The following FRMD3 variants were observed in gnomAD, a reference collection of about 807,000 sequenced individuals.
FRMD3 encodes the protein FERM domain-containing protein 3.
In FRMD3, 33 loss-of-function variants were observed where a neutral mutation model predicts 70.2. The observed-to-expected ratio is 0.47, with a 90% CI of 0.36 to 0.63. FRMD3 has a LOEUF of 0.63. FRMD3 is among the 20% of genes least tolerant of loss of function. The probability of loss-of-function intolerance (pLI) is 0.00; values close to 1 mark genes in which losing one functional copy is unlikely to be tolerated. For missense variants in FRMD3, 632 were observed against 711.4 expected, an observed-to-expected ratio of 0.89 and a Z score of 1.27; for synonymous variants, 279 against 255.9, an observed-to-expected ratio of 1.09 and a Z score of -0.86.
chr9:83,569,372 GATAA>G, the FRMD3 span, among the ~76,000 whole-genome samples: 2 of 152,174 alleles, frequency 1.3e-5, no homozygotes. Flanking sequence ...TCTCATTTTT[GATAA>G]ATAGACTCTC....
Position 83,538,331 on chromosome 9 carries a change from G to A in FRMD3, c.-100C>T. The A allele has an allele frequency of 8.4e-7, 1 of 1,192,118 alleles. No homozygotes were observed. Among genetic ancestry groups the A allele is most frequent in the Non-Finnish European group, 1.1e-6 (1 of 910,162 alleles). The allele number at this position is 1,192,118 out of a possible 1,614,324, so 73.8% of individuals were successfully genotyped here. A position where few individuals can be genotyped will look rare whatever the true frequency, so the allele number is the denominator to read the frequency against. On this transcript the variant is annotated 5_prime_UTR_variant, in exon 1 of 14. Coordinates refer to ENST00000304195, the MANE Select transcript of FRMD3 (RefSeq NM_174938.6). This position sits in a 1 kb window ranked among gnomAD's most constrained non-coding sequence, Gnocchi z 4.7. ...CACGCACTGTCCGGGACACCTGGGC[G>A]CGGCTCAGCCCCGGGACATCGGCAG...
At chr9:83,469,383 G>A (rs576499877) in intron 1 of FRMD3, among the ~76,000 whole-genome samples, 128 of 152,276 alleles carry the variant, frequency 8.4e-4, no homozygotes, top group African/African-American at 2.7e-3. Flanking sequence ...CAGATGCTTC[G>A]TAGACAATCA....
At chr9:83,478,242 C>T (rs1828444146) in intron 1 of FRMD3, among the ~76,000 whole-genome samples, 1 of 152,202 alleles carries the variant, frequency 6.6e-6, no homozygotes, top group East Asian at 1.9e-4. Flanking sequence ...AGTGTTCCTC[C>T]CATAAGAAGG....
At chr9:83,357,418 C>A (rs1824437857) in intron 3 of FRMD3, among the ~76,000 whole-genome samples, 1 of 150,832 alleles carries the variant, frequency 6.6e-6, no homozygotes, top group Non-Finnish European at 1.5e-5. Context: ...ATAATGACTT[C>A]TTTTTCTCTG....
At chr9:83,386,441 A>T (rs1825512614) in intron 2 of FRMD3, among the ~76,000 whole-genome samples, 1 of 152,230 alleles carries the variant, frequency 6.6e-6, no homozygotes, top group Non-Finnish European at 1.5e-5. Context: ...AAGTCTGGGC[A>T]TTAAAAGTTA....
intron 1 of FRMD3, among the ~76,000 whole-genome samples, chr9:83,483,315 C>A (rs528625698): frequency 6.6e-6 from 1 of 152,310 alleles, no homozygotes; most frequent in African/African-American, 2.4e-5. Flanking sequence ...CCTTCCCAAC[C>A]AGGCTTCCTG....
chr9:83,521,893 T>A (rs1232147933), intron 1 of FRMD3, among the ~76,000 whole-genome samples: 1 of 152,244 alleles, frequency 6.6e-6, no homozygotes, highest in Non-Finnish European at 1.5e-5. Context: ...ATTTCCCCAT[T>A]TATTAGCCAG....
At chr9:83,530,928 G>T (rs936312397) in intron 1 of FRMD3, among the ~76,000 whole-genome samples, 1 of 152,104 alleles carries the variant, frequency 6.6e-6, no homozygotes, top group Non-Finnish European at 1.5e-5. Context: ...TGAGTCCCAG[G>T]GTCAAGCTCT....
chr9:83,439,578 G>A (rs759339946), intron 1 of FRMD3, among the ~76,000 whole-genome samples: 1 of 152,248 alleles, frequency 6.6e-6, no homozygotes, highest in Non-Finnish European at 1.5e-5. Flanking sequence ...GCACATTGCT[G>A]AGTGGAGAGG....
intron 1 of FRMD3, among the ~76,000 whole-genome samples, chr9:83,471,983 A>G (rs1230773377): frequency 2.0e-5 from 3 of 152,176 alleles, no homozygotes; most frequent in South Asian, 4.1e-4. Flanking sequence ...TGAGGTTTGA[A>G]TGTGAGAATA....
At chr9:83,450,089 C>A in intron 1 of FRMD3, among the ~76,000 whole-genome samples, 1 of 97,356 alleles carries the variant, frequency 1.0e-5, no homozygotes, top group East Asian at 2.7e-4. Context: ...AGAAAAATAA[C>A]CAAGCCTGCG....
intron 12 of FRMD3, 62 bp downstream of exon 12, chr9:83,298,686 T>C (rs1477997943): frequency 4.0e-6 from 5 of 1,236,036 alleles, no homozygotes; most frequent in Middle Eastern, 3.8e-4. Flanking sequence ...AGGGATGTTA[T>C]AGGGGATTTG....
At chr9:83,398,853 C>T (rs1012518657) in intron 1 of FRMD3, among the ~76,000 whole-genome samples, 1 of 151,980 alleles carries the variant, frequency 6.6e-6, no homozygotes, top group African/African-American at 2.4e-5. Context: ...CAGAAAATAA[C>T]AACAAAAACA....
intron 1 of FRMD3, among the ~76,000 whole-genome samples, chr9:83,438,318 C>CGGAT (rs1827195188): frequency 6.6e-6 from 1 of 152,150 alleles, no homozygotes; most frequent in African/African-American, 2.4e-5. Flanking sequence ...TTGTGACTTA[C>CGGAT]GGATGATGTC....
chr9:83,401,597 CA>C (rs765533817), intron 1 of FRMD3, among the ~76,000 whole-genome samples: 1 of 152,188 alleles, frequency 6.6e-6, no homozygotes, highest in Non-Finnish European at 1.5e-5. Flanking sequence ...ACTTAGTATG[CA>C]CAGCCAATGA....
chr9:83,525,379 G>A (rs1028525666), intron 1 of FRMD3, among the ~76,000 whole-genome samples: 3 of 152,084 alleles, frequency 2.0e-5, no homozygotes, highest in African/African-American at 7.2e-5. Context: ...ATTGTTGTTT[G>A]AGCAATTTTG....
At chr9:83,314,938 T>C (rs1835505243) in intron 6 of FRMD3, among the ~76,000 whole-genome samples, 1 of 152,208 alleles carries the variant, frequency 6.6e-6, no homozygotes, top group Non-Finnish European at 1.5e-5. Context: ...CTTTGTTTCA[T>C]TCTTTATATC....
At chr9:83,495,950 G>A (rs539000885) in intron 1 of FRMD3, among the ~76,000 whole-genome samples, 2 of 152,314 alleles carry the variant, frequency 1.3e-5, no homozygotes, top group East Asian at 3.9e-4. Context: ...GCTGAAAATT[G>A]AAAGTAAATT....
At chr9:83,399,821 T>A (rs1326469678) in intron 1 of FRMD3, among the ~76,000 whole-genome samples, 1 of 152,132 alleles carries the variant, frequency 6.6e-6, no homozygotes, top group Non-Finnish European at 1.5e-5. Flanking sequence ...AAGAAATAAA[T>A]AACTTCCTCA....
Sources: allele counts gnomAD v4.1 joint callset (sites outside exome capture counted in the v4.1 genomes callset), GRCh38; gene constraint gnomAD v4.1.1; non-coding constraint Gnocchi (gnomAD v3.1); transcripts MANE v1.5; gene names NCBI Gene and HGNC (gene_info 2026-07-23, HGNC 2026-07-21).